ZNF555: variants seen among roughly 807,000 people sequenced by gnomAD.
ZNF555 encodes the protein zinc finger protein 555.
ZNF555 carries 10 observed loss-of-function variants against 14.0 expected under a neutral mutation model. The observed-to-expected ratio is 0.72, with a 90% CI of 0.44 to 1.21. The LOEUF is 1.21. Among genes scored for constraint, ZNF555 ranks in the 50% most tolerant of loss-of-function variants. ZNF555 has a pLI of 0.00. For synonymous variants in ZNF555, 277 were observed against 262.4 expected (o/e 1.06, Z -0.54); for missense variants, 747 against 762.0 (o/e 0.98, Z 0.23).
Position 2,855,182 on chromosome 19 carries a change from T to C in ZNF555, c.*1230T>C, listed in dbSNP as rs2087673263. ...TTACTCAGAACTAAATGCAGTTTCT[T>C]GATATAGGTTAAATTATTAGGTTTG... On this transcript the variant is annotated 3_prime_UTR_variant, in exon 4 of 4. Transcript: ENST00000334241. The C allele has an allele frequency of 1.3e-5, 2 of 152,200 alleles. No individual in the cohort carries two copies. The allele number at this position is 152,200 out of a possible 1,614,324, so 9.4% of individuals were successfully genotyped here. A position where few individuals can be genotyped will look rare whatever the true frequency, so the allele number is the denominator to read the frequency against.
chr19:2,853,901 A>C lies in ZNF555; in HGVS notation c.1836A>C (p.Ser612=). 6.2e-7 allele frequency: 1 copy of C among 1,613,984 alleles called. No individual in the cohort carries two copies. The highest frequency in any genetic ancestry group is 8.5e-7 in the Non-Finnish European group (1 of 1,180,032). ...NEFMCSASEK[S]HQERDLIKVV... ...TCATGTGCAGTGCTTCAGAAAAGTCACACCAGGAGAGAGATCTGATCAAAG... is the reference window on the plus strand; with the variant it reads ...TCATGTGCAGTGCTTCAGAAAAGTCCCACCAGGAGAGAGATCTGATCAAAG... The change falls in exon 4 of 4, where the codon TCA becomes TCC. Residue 612 remains serine (S), a synonymous_variant. Coordinates refer to ENST00000334241, the MANE Select transcript of ZNF555 (RefSeq NM_152791.5).
chr19:2,853,929 G>A lies in ZNF555; in HGVS notation c.1864G>A (p.Val622Ile). Residue 622 changes from valine to isoleucine, a missense_variant, in exon 4 of 4, where the codon GTA becomes ATA. Val to Ile is a conservative substitution (Grantham distance 29, BLOSUM62 3). Coordinates refer to ENST00000334241, the MANE Select transcript of ZNF555 (RefSeq NM_152791.5). ...CCAGGAGAGAGATCTGATCAAAGTT[G>A]TAAATATGGTGTTGCCTTTATGAGT... ...SHQERDLIKV[V>I]NMVLPL is the part of the protein sequence containing the mutation. 2 of 1,613,752 alleles carry A rather than the reference G, an allele frequency of 1.2e-6. No homozygotes were observed. Among genetic ancestry groups the A allele is most frequent in the Non-Finnish European group, 1.7e-6 (2 of 1,180,010 alleles).
Position 2,855,845 on chromosome 19 carries a change from T to C in ZNF555, c.*1893T>C, listed in dbSNP as rs2087679010. The C allele has an allele frequency of 6.6e-6, 1 of 152,156 alleles. No individual in the cohort carries two copies. Among genetic ancestry groups the C allele is most frequent in the African/African-American group, 2.4e-5 (1 of 41,432 alleles). The allele number at this position is 152,156 out of a possible 1,614,324, so 9.4% of individuals were successfully genotyped here. A position where few individuals can be genotyped will look rare whatever the true frequency, so the allele number is the denominator to read the frequency against. Reference sequence around the variant, plus strand: ...TTTCACATGGCATTCTCCCTGTGTGTGTGTCTCTCCATGTGACAATATTTT... The same window carrying C: ...TTTCACATGGCATTCTCCCTGTGTGCGTGTCTCTCCATGTGACAATATTTT... On this transcript the variant is annotated 3_prime_UTR_variant, in exon 4 of 4. Coordinates refer to ENST00000334241, the MANE Select transcript of ZNF555 (RefSeq NM_152791.5).
Position 2,853,907 on chromosome 19 carries a change from GGA to G in ZNF555, c.1849_1850del (p.Asp617SerfsTer17), listed in dbSNP as rs1402682838. 1 of 1,613,924 alleles carries G rather than the reference GGA, an allele frequency of 6.2e-7. No homozygotes were observed. The highest frequency in any genetic ancestry group is 1.7e-5 in the Admixed American group (1 of 60,016). On this transcript the variant is annotated frameshift_variant, in exon 4 of 4. Transcript: ENST00000334241. LOFTEE classifies it low-confidence loss of function (END_TRUNC). ...GCAGTGCTTCAGAAAAGTCACACCA[GGA>G]GAGAGATCTGATCAAAGTTGTAAAT... ...MCSASEKSHQERDLIKVVNMV... is the reference protein window; with the variant it reads ...MCSASEKSHQXRDLIKVVNMV...
At position 2,854,167 on chromosome 19, in the gene ZNF555, A is replaced by G. The variant is rs946619286; in HGVS notation, c.*215A>G. The G allele has an allele frequency of 1.8e-5, 10 of 559,110 alleles. No individual in the cohort carries two copies. The East Asian group carries it at 2.9e-4, about 16-fold the overall frequency. The allele number at this position is 559,110 out of a possible 1,614,324, so 34.6% of individuals were successfully genotyped here. A position where few individuals can be genotyped will look rare whatever the true frequency, so the allele number is the denominator to read the frequency against. ...TATTTTTAATATGCAAGTAGGTTCA[A>G]GTTTTATTTAATTTCTTAAATTGTA... is the stretch of plus-strand genomic sequence containing the variant. On this transcript the variant is annotated 3_prime_UTR_variant, in exon 4 of 4. Transcript: ENST00000334241.
At chr19:2,850,533 C>T (rs1316245258) in intron 1 of ZNF555, 54 bp from the exon 2 acceptor site, 6 of 1,598,316 alleles carry the variant, frequency 3.8e-6, no homozygotes, top group African/African-American at 2.7e-5. Context: ...GAGTACAATG[C>T]TCCTGGGCTC....
rs1050174501 is a variant in ZNF555, at chr19:2,857,499, A to G, written c.*3547A>G. On this transcript the variant is annotated 3_prime_UTR_variant, in exon 4 of 4. Coordinates refer to ENST00000334241, the MANE Select transcript of ZNF555 (RefSeq NM_152791.5). ...TATAAGACATGGAAAAGGCAAAGAT[A>G]AGGGAAACGAACAAATCGCTGGTTA... 6.6e-6 allele frequency: 1 copy of G among 152,224 alleles called. No individual in the cohort carries two copies. The highest frequency in any genetic ancestry group is 1.5e-5 in the Non-Finnish European group (1 of 68,044). 9.4% of individuals were successfully genotyped at this position (152,224 alleles called of 1,614,324 possible). A position where few individuals can be genotyped will look rare whatever the true frequency, so the allele number is the denominator to read the frequency against.
At chr19:2,851,212 G>A (rs949983443) in intron 2 of ZNF555, among the ~76,000 whole-genome samples, 8 of 151,882 alleles carry the variant, frequency 5.3e-5, no homozygotes, top group Admixed American at 3.9e-4. Flanking sequence ...CAGCCAGGCT[G>A]CTCTTGAACT....
Position 2,848,789 on chromosome 19 carries a change from C to T in ZNF555, c.4-1798C>T, listed in dbSNP as rs570545530. ...ATTGCTGGCTGATCACATAAGCATCCCCTGCCTGGTATGTACACAGATTCC... is the reference window on the plus strand; with the variant it reads ...ATTGCTGGCTGATCACATAAGCATCTCCTGCCTGGTATGTACACAGATTCC... On this transcript the variant is annotated intron_variant, in intron 1 of 3. Coordinates refer to ENST00000334241, the MANE Select transcript of ZNF555 (RefSeq NM_152791.5). Among the ~76,000 whole-genome samples the T allele has an allele frequency of 2.0e-5, 3 of 152,276 alleles. No individual in the cohort carries two copies. In the East Asian group the frequency reaches 5.8e-4, roughly 29 times the overall value.
chr19:2,854,032 C>T lies in ZNF555; in HGVS notation c.*80C>T. On this transcript the variant is annotated 3_prime_UTR_variant, in exon 4 of 4. Coordinates refer to ENST00000334241, the MANE Select transcript of ZNF555 (RefSeq NM_152791.5). ...ATAAACATTTAGTTGAAAAATAATT[C>T]TCCAAATACTCTCAGCTATCCTACA... 6.6e-7 allele frequency: 1 copy of T among 1,519,858 alleles called. No individual in the cohort carries two copies. Among genetic ancestry groups the T allele is most frequent in the South Asian group, 1.2e-5 (1 of 83,326 alleles). 94.1% of individuals were successfully genotyped at this position (1,519,858 alleles called of 1,614,324 possible). A position where few individuals can be genotyped will look rare whatever the true frequency, so the allele number is the denominator to read the frequency against.
chr19:2,850,786 C>T (rs2087622727), intron 2 of ZNF555, 73 bp downstream of exon 2: 4 of 1,581,152 alleles, frequency 2.5e-6, no homozygotes, highest in Non-Finnish European at 3.5e-6. Flanking sequence ...CAGACCTGTT[C>T]CAAGGCTTGG....
intron 1 of ZNF555, 120 bp downstream of exon 1, chr19:2,841,695 A>C (rs1415634894): frequency 8.1e-7 from 1 of 1,235,594 alleles, no homozygotes; most frequent in African/African-American, 1.6e-5. Context: ...GCGGCGCAGG[A>C]CGGGAGCCTG....
chr19:2,850,243 A>G (rs1362243159), intron 1 of ZNF555, among the ~76,000 whole-genome samples: 1 of 152,208 alleles, frequency 6.6e-6, no homozygotes, highest in African/African-American at 2.4e-5. Flanking sequence ...GGGAGGAGCT[A>G]AAACGGTTTG....
Position 2,858,558 on chromosome 19 carries a change from C to G in ZNF555, c.*4606C>G, listed in dbSNP as rs995195986. 6.6e-6 allele frequency: 1 copy of G among 152,248 alleles called. No individual in the cohort carries two copies. The highest frequency in any genetic ancestry group is 2.4e-5 in the African/African-American group (1 of 41,446). 9.4% of individuals were successfully genotyped at this position (152,248 alleles called of 1,614,324 possible). On this transcript the variant is annotated 3_prime_UTR_variant, in exon 4 of 4. Transcript: ENST00000334241. Reference sequence around the variant, plus strand: ...GCCTTTCCTGAGGCCACTTCCAGCTCCAAAGTTCTCATCTCAAGCTCAGCT... The same window carrying G: ...GCCTTTCCTGAGGCCACTTCCAGCTGCAAAGTTCTCATCTCAAGCTCAGCT...
intron 1 of ZNF555, among the ~76,000 whole-genome samples, chr19:2,844,456 C>G (rs1599560645): frequency 2.0e-5 from 3 of 152,246 alleles, no homozygotes; most frequent in East Asian, 3.9e-4. Context: ...CCAGGCTGGT[C>G]TCGAACTCCT....
At chr19:2,843,307 T>G (rs1290879685) in intron 1 of ZNF555, among the ~76,000 whole-genome samples, 1 of 152,094 alleles carries the variant, frequency 6.6e-6, no homozygotes, top group African/African-American at 2.4e-5. Context: ...GGACTCCAGG[T>G]GTGTGCCGCC....
chr19:2,842,670 T>C (rs2144840931), intron 1 of ZNF555, among the ~76,000 whole-genome samples: 1 of 152,314 alleles, frequency 6.6e-6, no homozygotes, highest in Non-Finnish European at 1.5e-5. Context: ...GGTTTGTCAC[T>C]GTGAAAAGAT....
Position 2,841,521 on chromosome 19 carries a change from C to G in ZNF555, c.-52C>G, listed in dbSNP as rs2087535265. On this transcript the variant is annotated 5_prime_UTR_variant, in exon 1 of 4. Transcript: ENST00000334241. ...CCTGCCCCTAGCGGTCCCTGGCGTCCCGGTTCCTGTCGCGCTCACCTGCGC... is the reference window on the plus strand; with the variant it reads ...CCTGCCCCTAGCGGTCCCTGGCGTCGCGGTTCCTGTCGCGCTCACCTGCGC... 1 of 1,545,470 alleles carries G rather than the reference C, an allele frequency of 6.5e-7. No individual in the cohort carries two copies.
At chr19:2,842,149 G>A (rs1003004999) in intron 1 of ZNF555, among the ~76,000 whole-genome samples, 1 of 152,114 alleles carries the variant, frequency 6.6e-6, no homozygotes, top group African/African-American at 2.4e-5. Flanking sequence ...GGGACAGCCC[G>A]GGAGCGGTGG....
Sources: gnomAD v4.1 joint callset for allele counts (sites outside exome capture counted in the v4.1 genomes callset) on GRCh38, gnomAD v4.1.1 for gene constraint, MANE v1.5 for transcripts, NCBI Gene and HGNC (gene_info 2026-07-23, HGNC 2026-07-21) for gene names.